The following HEPACAM2 variants were observed in gnomAD, a reference collection of about 807,000 sequenced individuals.
The protein encoded by HEPACAM2 is HEPACAM family member 2, also known as mitotic kinetics regulator.
HEPACAM2 carries 49 observed loss-of-function variants against 49.6 expected under a neutral mutation model. That is an observed-to-expected ratio of 0.99 (90% CI 0.78 to 1.25). The LOEUF (loss-of-function observed/expected upper bound fraction) is 1.25, where lower values mean the gene tolerates loss of function less well. Ranked by LOEUF, HEPACAM2 falls within the 50% of genes most tolerant of loss-of-function variation. HEPACAM2 has a pLI of 0.00. For missense variants in HEPACAM2, 525 were observed against 557.2 expected, an observed-to-expected ratio of 0.94 and a Z score of 0.58; for synonymous variants, 197 against 202.9, an observed-to-expected ratio of 0.97 and a Z score of 0.25.
chr7:93,200,856 G>A (rs1334887472), intron 4 of HEPACAM2, among the ~76,000 whole-genome samples: 2 of 152,000 alleles, frequency 1.3e-5, no homozygotes, highest in Non-Finnish European at 2.9e-5. Context: ...GCTTGCAGGT[G>A]GCTAGAATCC....
chr7:93,211,037 G>A (rs1206477347), intron 3 of HEPACAM2, among the ~76,000 whole-genome samples: 2 of 151,992 alleles, frequency 1.3e-5, no homozygotes, highest in African/African-American at 2.4e-5. Flanking sequence ...CCAATCCCAA[G>A]TTTGCAGATT....
chr7:93,230,849 C>A (rs528387910), upstream of HEPACAM2, among the ~76,000 whole-genome samples: 2 of 152,270 alleles, frequency 1.3e-5, no homozygotes, highest in Admixed American at 1.3e-4. Context: ...AAAGGAATTG[C>A]TGAACGCAGT....
intron 8 of HEPACAM2, among the ~76,000 whole-genome samples, chr7:93,195,213 C>G (rs1793660277): frequency 6.6e-6 from 1 of 151,986 alleles, no homozygotes; most frequent in Non-Finnish European, 1.5e-5. Flanking sequence ...TTAGGGTCTC[C>G]TGATCCGCTG....
chr7:93,190,455 T>C (rs1330384420), intron 9 of HEPACAM2, among the ~76,000 whole-genome samples: 3 of 151,572 alleles, frequency 2.0e-5, no homozygotes, highest in African/African-American at 4.8e-5. Flanking sequence ...AAGATCTACA[T>C]AGATGAACTG....
chr7:93,198,307 A>G (rs528822940), intron 4 of HEPACAM2, among the ~76,000 whole-genome samples: 5 of 152,092 alleles, frequency 3.3e-5, no homozygotes, highest in Admixed American at 6.6e-5. Flanking sequence ...GGTGCATGAT[A>G]CATATTAACT....
At chr7:93,199,285 T>C (rs775073149) in intron 4 of HEPACAM2, among the ~76,000 whole-genome samples, 2 of 152,136 alleles carry the variant, frequency 1.3e-5, no homozygotes, top group Non-Finnish European at 2.9e-5. Context: ...CAGCTTCAAA[T>C]GAACTAGAAT....
chr7:93,208,781 A>G lies in HEPACAM2; in HGVS notation c.811T>C (p.Ser271Pro). The G allele has an allele frequency of 6.2e-7, 1 of 1,613,206 alleles. No individual in the cohort carries two copies. Among genetic ancestry groups the G allele is most frequent in the Non-Finnish European group, 8.5e-7 (1 of 1,179,426 alleles). ...GTGTTGGGGGGATGAGAATCAGCAG[A>G]ACAATCAAATAGGATGGCCTCTCCA... Reference protein sequence around the residue: ...DLGEAILFDCSADSHPPNTYS... With the variant: ...DLGEAILFDCPADSHPPNTYS... The change falls in exon 4 of 10, where the codon TCT (serine) becomes CCT (proline). Residue 271 changes from serine to proline, a missense_variant. By Grantham distance (74) the Ser-to-Pro change is moderately conservative. Coordinates refer to ENST00000394468, the MANE Select transcript of HEPACAM2 (RefSeq NM_001039372.4).
At chr7:93,217,715 C>T (rs1165166039) in intron 2 of HEPACAM2, among the ~76,000 whole-genome samples, 1 of 152,004 alleles carries the variant, frequency 6.6e-6, no homozygotes, top group Non-Finnish European at 1.5e-5. Flanking sequence ...GTCCCTGCTC[C>T]TAGGGACCTC....
intron 7 of HEPACAM2, 59 bp from the exon 8 acceptor site, chr7:93,195,960 T>C: frequency 8.4e-7 from 1 of 1,195,966 alleles, no homozygotes; most frequent in Non-Finnish European, 1.2e-6. Context: ...TGTTGTTTTT[T>C]AAACCTTTGT....
upstream of HEPACAM2, among the ~76,000 whole-genome samples, chr7:93,229,750 GA>G (rs1409585976): frequency 6.6e-6 from 1 of 152,202 alleles, no homozygotes; most frequent in Non-Finnish European, 1.5e-5. Context: ...AGGTAAATGT[GA>G]AAGTCCTGAA....
At chr7:93,192,109 A>C (rs1793564645) in intron 9 of HEPACAM2, 145 bp downstream of exon 9, 1 of 524,778 alleles carries the variant, frequency 1.9e-6, no homozygotes, top group Non-Finnish European at 3.3e-6. Context: ...AATTATGCTC[A>C]GGTGGGGAAG....
intron 4 of HEPACAM2, among the ~76,000 whole-genome samples, chr7:93,203,075 C>A (rs933807052): frequency 6.6e-6 from 1 of 152,150 alleles, no homozygotes; most frequent in African/African-American, 2.4e-5. Flanking sequence ...GTTTGCCCTA[C>A]ATCAGAGAGC....
At position 93,196,402 on chromosome 7, in the gene HEPACAM2, T is replaced by C. The variant is rs80180040; in HGVS notation, c.1202-501A>G. Among the ~76,000 whole-genome samples, 1,101 of 152,178 alleles carry C rather than the reference T, an allele frequency of 7.2e-3. 14 individuals carry two copies. The highest frequency in any genetic ancestry group is 0.025 in the African/African-American group (1,022 of 41,534). On this transcript the variant is annotated intron_variant, in intron 7 of 9. Coordinates refer to ENST00000394468, the MANE Select transcript of HEPACAM2 (RefSeq NM_001039372.4). ...CACTATCAATCCACATAAACTATCA[T>C]CTATAGAATGATGGCGGGGGAGGTG...
At chr7:93,216,913 T>C (rs1794319760) in intron 2 of HEPACAM2, among the ~76,000 whole-genome samples, 1 of 152,132 alleles carries the variant, frequency 6.6e-6, no homozygotes, top group Non-Finnish European at 1.5e-5. Context: ...CACTGGAAAA[T>C]GTGCATTAGG....
chr7:93,220,176 T>A (rs1264741592), intron 1 of HEPACAM2, among the ~76,000 whole-genome samples: 1 of 152,140 alleles, frequency 6.6e-6, no homozygotes, highest in African/African-American at 2.4e-5. Flanking sequence ...TACTCTAAGA[T>A]GGGGATGCAA....
At chr7:93,215,311 T>G in intron 3 of HEPACAM2, 90 bp downstream of exon 3, 2 of 1,224,620 alleles carry the variant, frequency 1.6e-6, no homozygotes, top group South Asian at 2.9e-5. Context: ...CCAAATGACA[T>G]CTGGTACTTA....
At chr7:93,228,928 C>T (rs565844394), upstream of HEPACAM2, among the ~76,000 whole-genome samples, 3 of 151,650 alleles carry the variant, frequency 2.0e-5, no homozygotes, top group Admixed American at 1.3e-4. Flanking sequence ...ATTTTTATTA[C>T]CTCTCAAATC....
At chr7:93,193,891 C>T (rs1040833926) in intron 8 of HEPACAM2, among the ~76,000 whole-genome samples, 1 of 152,118 alleles carries the variant, frequency 6.6e-6, no homozygotes, top group Non-Finnish European at 1.5e-5. Flanking sequence ...GCTACGTATA[C>T]ATAGCTGCCA....
chr7:93,216,786 A>G (rs766967502), intron 2 of HEPACAM2, among the ~76,000 whole-genome samples: 14 of 152,224 alleles, frequency 9.2e-5, no homozygotes, highest in Non-Finnish European at 1.6e-4. Flanking sequence ...AGGATGATAC[A>G]TAAGTGAGAG....
Sources: allele counts gnomAD v4.1 joint callset (sites outside exome capture counted in the v4.1 genomes callset), GRCh38; gene constraint gnomAD v4.1.1; transcripts MANE v1.5; gene names NCBI Gene and HGNC (gene_info 2026-07-23, HGNC 2026-07-21).